The following PPM1E variants were observed in gnomAD, a reference collection of about 807,000 sequenced individuals.
The protein encoded by PPM1E is protein phosphatase 1E.
In PPM1E, 20 loss-of-function variants were observed where a neutral mutation model predicts 65.9. The ratio of observed to expected loss-of-function variants is 0.30; its 90% CI spans 0.21 to 0.44. The LOEUF is 0.44. Among genes scored for constraint, PPM1E ranks in the 20% least tolerant of loss-of-function variants. PPM1E has a pLI of 1.00. For missense variants in PPM1E, 713 were observed against 953.1 expected, an observed-to-expected ratio of 0.75 and a Z score of 3.32; for synonymous variants, 352 against 374.9, an observed-to-expected ratio of 0.94 and a Z score of 0.70.
chr17:58,957,151 C>T (rs568188191), intron 2 of PPM1E, among the ~76,000 whole-genome samples: 2 of 152,310 alleles, frequency 1.3e-5, no homozygotes, highest in East Asian at 3.9e-4. Context: ...TCAACTCCAG[C>T]TCAGAACAAT....
At chr17:58,762,767 G>A (rs962973084) in intron 1 of PPM1E, among the ~76,000 whole-genome samples, 1 of 151,498 alleles carries the variant, frequency 6.6e-6, no homozygotes, top group African/African-American at 2.4e-5. Context: ...GCATAGTGGC[G>A]GGCGCCTGTA....
intron 1 of PPM1E, among the ~76,000 whole-genome samples, chr17:58,811,890 C>G (rs919354173): frequency 6.6e-6 from 1 of 151,934 alleles, no homozygotes; most frequent in Non-Finnish European, 1.5e-5. Flanking sequence ...AGGATGGTCT[C>G]GATCTCTTGA....
chr17:58,862,774 A>T (rs2050956613), intron 1 of PPM1E, among the ~76,000 whole-genome samples: 1 of 152,200 alleles, frequency 6.6e-6, no homozygotes, highest in African/African-American at 2.4e-5. Flanking sequence ...CCAATGAGTT[A>T]AATCATGTAC....
intron 1 of PPM1E, among the ~76,000 whole-genome samples, chr17:58,952,818 T>C (rs2052258350): frequency 6.6e-6 from 1 of 151,960 alleles, no homozygotes; most frequent in Non-Finnish European, 1.5e-5. Flanking sequence ...AGATTACAGG[T>C]TCCCGCCACC....
At chr17:58,901,542 G>A (rs903749983) in intron 1 of PPM1E, among the ~76,000 whole-genome samples, 1 of 151,950 alleles carries the variant, frequency 6.6e-6, no homozygotes, top group Non-Finnish European at 1.5e-5. Flanking sequence ...GCCGGGCATG[G>A]TGGTCTGCGC....
chr17:58,829,426 G>A (rs1270790005), intron 1 of PPM1E, among the ~76,000 whole-genome samples: 2 of 152,054 alleles, frequency 1.3e-5, no homozygotes, highest in East Asian at 3.9e-4. Context: ...AGTTTTCTAT[G>A]TACCTATTGT....
chr17:58,904,014 A>G (rs554778858), intron 1 of PPM1E, among the ~76,000 whole-genome samples: 1 of 152,280 alleles, frequency 6.6e-6, no homozygotes, highest in East Asian at 1.9e-4. Context: ...AATAATTTCA[A>G]AAAGAGCCAG....
intron 1 of PPM1E, among the ~76,000 whole-genome samples, chr17:58,866,404 C>T (rs1251853477): frequency 6.6e-6 from 1 of 152,202 alleles, no homozygotes; most frequent in Non-Finnish European, 1.5e-5. Flanking sequence ...GTGCCCCTTG[C>T]TGCAAGGACG....
chr17:58,924,555 G>GTTTCTT (rs1410258226), intron 1 of PPM1E, among the ~76,000 whole-genome samples: 2 of 152,122 alleles, frequency 1.3e-5, no homozygotes, highest in South Asian at 4.1e-4. Flanking sequence ...AATAGCATGA[G>GTTTCTT]TTTCTTTTTC....
chr17:58,968,098 G>A (rs995003394), intron 3 of PPM1E, among the ~76,000 whole-genome samples: 14 of 152,068 alleles, frequency 9.2e-5, no homozygotes, highest in Non-Finnish European at 1.3e-4. Flanking sequence ...CACCGCACCC[G>A]GCCAGGATTA....
At chr17:58,973,261 C>CA (rs1230633933) in intron 6 of PPM1E, among the ~76,000 whole-genome samples, 2 of 151,400 alleles carry the variant, frequency 1.3e-5, no homozygotes, top group Non-Finnish European at 2.9e-5. Flanking sequence ...ATTAAAAATA[C>CA]AAAAAATTAG....
intron 1 of PPM1E, among the ~76,000 whole-genome samples, chr17:58,778,656 C>T (rs913040287): frequency 6.6e-6 from 1 of 151,498 alleles, no homozygotes; most frequent in Non-Finnish European, 1.5e-5. Flanking sequence ...GCAATCTGCC[C>T]GCCTCAGCTT....
At chr17:58,885,263 G>A (rs1004187451) in intron 1 of PPM1E, among the ~76,000 whole-genome samples, 2 of 152,048 alleles carry the variant, frequency 1.3e-5, no homozygotes, top group Admixed American at 1.3e-4. Context: ...CACCATGTTG[G>A]CCAGGCTGGT....
At chr17:58,833,961 T>C (rs2050629512) in intron 1 of PPM1E, among the ~76,000 whole-genome samples, 1 of 152,162 alleles carries the variant, frequency 6.6e-6, no homozygotes, top group Non-Finnish European at 1.5e-5. Context: ...TGGCATCTCA[T>C]TGTGATTTTG....
chr17:58,935,683 T>A (rs2051970423), intron 1 of PPM1E, among the ~76,000 whole-genome samples: 1 of 152,196 alleles, frequency 6.6e-6, no homozygotes, highest in South Asian at 2.1e-4. Context: ...TTGGTAAATT[T>A]GTAACATCTA....
At chr17:58,777,644 A>G (rs2050006808) in intron 1 of PPM1E, among the ~76,000 whole-genome samples, 2 of 152,184 alleles carry the variant, frequency 1.3e-5, no homozygotes, top group South Asian at 2.1e-4. Context: ...ACAAGTACCT[A>G]TAAGTATACA....
chr17:58,801,424 C>A (rs1032851581), intron 1 of PPM1E, among the ~76,000 whole-genome samples: 1 of 142,908 alleles, frequency 7.0e-6, no homozygotes, highest in African/African-American at 2.6e-5. Context: ...ATAATATTGT[C>A]TTTTTCCCCT....
chr17:58,924,734 C>T (rs1193504636), intron 1 of PPM1E, among the ~76,000 whole-genome samples: 2 of 149,948 alleles, frequency 1.3e-5, no homozygotes, highest in Non-Finnish European at 1.5e-5. Context: ...CCTTGCCCCC[C>T]ACCCCCCAAC....
intron 1 of PPM1E, among the ~76,000 whole-genome samples, chr17:58,913,182 A>G (rs187350476): frequency 6.6e-4 from 100 of 152,324 alleles, no homozygotes; most frequent in African/African-American, 2.2e-3. Flanking sequence ...CCAAGTAGAT[A>G]GAGTCAGAAA....
Sources: gnomAD v4.1 joint callset for allele counts (sites outside exome capture counted in the v4.1 genomes callset) on GRCh38, gnomAD v4.1.1 for gene constraint, MANE v1.5 for transcripts, NCBI Gene and HGNC (gene_info 2026-07-23, HGNC 2026-07-21) for gene names.